SDK2: variants seen among roughly 807,000 people sequenced by gnomAD.
The protein encoded by SDK2 is sidekick cell adhesion molecule 2, also known as protein sidekick-2.
Under a neutral mutation model 253.9 loss-of-function variants are expected in SDK2, and 105 were observed. The observed-to-expected ratio is 0.41, with a 90% CI of 0.35 to 0.49. The LOEUF (loss-of-function observed/expected upper bound fraction) is 0.49. Ranked by LOEUF, SDK2 falls within the 20% of genes least tolerant of loss-of-function variation. SDK2 has a pLI of 0.06. For synonymous variants in SDK2, 1,249 were observed against 1,234.9 expected, an observed-to-expected ratio of 1.01 and a Z score of -0.24; for missense variants, 2,608 against 3,003.0, an observed-to-expected ratio of 0.87 and a Z score of 3.07.
At chr17:73,398,786 G>A (rs764645370) in intron 22 of SDK2, among the ~76,000 whole-genome samples, 5 of 152,170 alleles carry the variant, frequency 3.3e-5, no homozygotes, top group Non-Finnish European at 7.3e-5. Flanking sequence ...TACTTCCAGA[G>A]ACCCAGGCTG....
intron 40 of SDK2, among the ~76,000 whole-genome samples, chr17:73,355,521 T>C (rs1026732353): frequency 6.6e-6 from 1 of 152,004 alleles, no homozygotes; most frequent in Non-Finnish European, 1.5e-5. Context: ...TTTTATTTTT[T>C]ATTTTTAGCA....
chr17:73,442,415 C>T lies in SDK2; in HGVS notation c.614-1492G>A, dbSNP rs187422465. Among the ~76,000 whole-genome samples the T allele has an allele frequency of 9.9e-5, 15 of 151,948 alleles. No homozygotes were observed. The East Asian group carries it at 2.9e-3, about 29-fold the overall frequency. On this transcript the variant is annotated intron_variant, in intron 5 of 44. Coordinates refer to ENST00000392650, the MANE Select transcript of SDK2 (RefSeq NM_001144952.2). Reference sequence around the variant, plus strand: ...GGAGTGCAGTGGCACGATCTCGGCTCACCACAACCTCTGCCTCCCAGGTTC... The same window carrying T: ...GGAGTGCAGTGGCACGATCTCGGCTTACCACAACCTCTGCCTCCCAGGTTC...
At chr17:73,459,647 A>C (rs968389065) in intron 3 of SDK2, among the ~76,000 whole-genome samples, 35 of 151,778 alleles carry the variant, frequency 2.3e-4, no homozygotes, top group African/African-American at 8.5e-4. Context: ...CTGACTTCAA[A>C]TCCTAGTTCT....
intron 1 of SDK2, among the ~76,000 whole-genome samples, chr17:73,633,382 G>A (rs1448243362): frequency 1.3e-5 from 2 of 152,216 alleles, no homozygotes; most frequent in Admixed American, 1.3e-4. Context: ...ATACCCCAGG[G>A]CATGTGTCCA....
At chr17:73,569,601 A>G (rs905460811) in intron 1 of SDK2, among the ~76,000 whole-genome samples, 7 of 150,902 alleles carry the variant, frequency 4.6e-5, no homozygotes, top group African/African-American at 1.2e-4. Context: ...CCCACCCCCA[A>G]CGAATTAAAT....
At chr17:73,546,973 C>T (rs981681051) in intron 1 of SDK2, among the ~76,000 whole-genome samples, 7 of 152,166 alleles carry the variant, frequency 4.6e-5, no homozygotes, top group African/African-American at 1.4e-4. Context: ...GCTGTCCTGC[C>T]GTGACACTGG....
chr17:73,348,524 A>G (rs1029823226), intron 44 of SDK2, 75 bp downstream of exon 44: 2 of 1,535,698 alleles, frequency 1.3e-6, no homozygotes, highest in African/African-American at 1.4e-5. Context: ...AAGAAAGCCC[A>G]TCTACGTTCA....
intron 1 of SDK2, among the ~76,000 whole-genome samples, chr17:73,508,388 C>T (rs2063951902): frequency 6.6e-6 from 1 of 152,254 alleles, no homozygotes; most frequent in Admixed American, 6.5e-5. Context: ...AATGGGGCCT[C>T]TGCCCTTCTG....
intron 1 of SDK2, among the ~76,000 whole-genome samples, chr17:73,589,068 C>A (rs1350992570): frequency 6.6e-6 from 1 of 152,268 alleles, no homozygotes; most frequent in African/African-American, 2.4e-5. Context: ...AGGCTTGGTT[C>A]TTACTAAATG....
chr17:73,449,071 A>C (rs1287801694), intron 4 of SDK2, among the ~76,000 whole-genome samples: 1 of 152,120 alleles, frequency 6.6e-6, no homozygotes. Context: ...TGTTTACCTC[A>C]GCTGGTTTCC....
At chr17:73,417,808 C>T (rs1014928849) in intron 16 of SDK2, among the ~76,000 whole-genome samples, 2 of 152,134 alleles carry the variant, frequency 1.3e-5, no homozygotes, top group Non-Finnish European at 2.9e-5. Flanking sequence ...AAAGAACTCA[C>T]AGCACTAAAG....
rs756473256 is a variant in SDK2, at chr17:73,419,280, G to T, written c.2072C>A (p.Thr691Lys). 1.2e-6 allele frequency: 2 copies of T among 1,612,744 alleles called. No individual in the cohort carries two copies. Among genetic ancestry groups the T allele is most frequent in the African/African-American group, 1.3e-5 (1 of 74,894 alleles). ...ERVSLPEEPP[T>K]APPQNVIASG... The stretch of plus-strand genomic sequence containing the variant: ...GGCGATGACGTTCTGTGGAGGGGCC[G>T]TGGGGGGCTCCTCGGGGAGGGAGAC... The change falls in exon 16 of 45, where the codon ACG becomes AAG. Residue 691 changes from threonine (T) to lysine (K), a missense_variant. Thr to Lys is a moderately conservative substitution (Grantham distance 78). Transcript: ENST00000392650.
intron 32 of SDK2, 110 bp downstream of exon 32, chr17:73,385,737 G>A: frequency 2.1e-6 from 2 of 971,142 alleles, no homozygotes; most frequent in Non-Finnish European, 3.2e-6. Flanking sequence ...CGCTCTGGGG[G>A]CAGAGAACTT....
intron 1 of SDK2, among the ~76,000 whole-genome samples, chr17:73,512,559 A>C (rs1484317881): frequency 6.6e-6 from 1 of 152,002 alleles, no homozygotes; most frequent in Non-Finnish European, 1.5e-5. Flanking sequence ...ATACACACAC[A>C]CACACACACA....
chr17:73,595,439 T>A (rs2045743289), intron 1 of SDK2, among the ~76,000 whole-genome samples: 1 of 152,118 alleles, frequency 6.6e-6, no homozygotes, highest in South Asian at 2.1e-4. Flanking sequence ...GAGGCCCTTG[T>A]GCTTCCAAGA....
At chr17:73,440,713 T>C (rs1342342054) in intron 6 of SDK2, 99 bp downstream of exon 6, 4 of 836,776 alleles carry the variant, frequency 4.8e-6, no homozygotes, top group Non-Finnish European at 8.0e-6. Context: ...TCCTGGATCC[T>C]CAGGTGATGT....
intron 36 of SDK2, among the ~76,000 whole-genome samples, chr17:73,373,292 C>T (rs966250085): frequency 2.6e-5 from 4 of 152,210 alleles, no homozygotes; most frequent in African/African-American, 9.7e-5. Flanking sequence ...ATTTCCACAT[C>T]TTGGCTACTG....
At chr17:73,423,176 C>T (rs1030311286) in intron 14 of SDK2, among the ~76,000 whole-genome samples, 3 of 152,320 alleles carry the variant, frequency 2.0e-5, no homozygotes, top group Middle Eastern at 3.4e-3. Flanking sequence ...AGTTAAGCAC[C>T]TTTTGTGCGT....
rs2063357298 is a variant in SDK2, at chr17:73,435,189, C to T, written c.1195+261G>A. ...TTCATAGCTCCTTTTCTCAAAAAGC[C>T]GTGAACGCAACCTGGGCCCCAGGAC... On this transcript the variant is annotated intron_variant, in intron 9 of 44. Coordinates refer to ENST00000392650, the MANE Select transcript of SDK2 (RefSeq NM_001144952.2). The surrounding 1 kb of genome is among the most constrained non-coding windows in gnomAD (Gnocchi z 5.7). 1.3e-5 allele frequency among the ~76,000 whole-genome samples: 2 copies of T among 152,198 alleles called. No homozygotes were observed. Among genetic ancestry groups the T allele is most frequent in the Admixed American group, 6.5e-5 (1 of 15,276 alleles).
Sources: allele counts gnomAD v4.1 joint callset (sites outside exome capture counted in the v4.1 genomes callset), GRCh38; gene constraint gnomAD v4.1.1; non-coding constraint Gnocchi (gnomAD v3.1); transcripts MANE v1.5; gene names NCBI Gene and HGNC (gene_info 2026-07-23, HGNC 2026-07-21).